Variants in EML6 observed in about 807,000 individuals in gnomAD.
EML6 encodes the protein echinoderm microtubule-associated protein-like 6.
A neutral mutation model predicts 240.1 loss-of-function variants in EML6; 154 were observed. The observed-to-expected ratio is 0.64, with a 90% CI of 0.56 to 0.73. The LOEUF (loss-of-function observed/expected upper bound fraction) is 0.73. Ranked by LOEUF, EML6 falls within the 30% of genes least tolerant of loss-of-function variation. The pLI is 0.00. For missense variants in EML6, 2,964 were observed against 2,474.6 expected (o/e 1.20, Z -4.20); for synonymous variants, 1,148 against 899.0 (o/e 1.28, Z -4.95).
At chr2:54,788,594 T>C (rs1669220868) in intron 2 of EML6, among the ~76,000 whole-genome samples, 1 of 152,080 alleles carries the variant, frequency 6.6e-6, no homozygotes. Context: ...TAGAGGAAAA[T>C]TGAAGCTTAG....
At chr2:54,737,570 C>T in intron 2 of EML6, among the ~76,000 whole-genome samples, 1 of 152,174 alleles carries the variant, frequency 6.6e-6, no homozygotes, top group Non-Finnish European at 1.5e-5. Flanking sequence ...GCATTGTCTT[C>T]TTCAAGGCAT....
intron 26 of EML6, among the ~76,000 whole-genome samples, chr2:54,925,222 A>C (rs191162105): frequency 3.3e-5 from 5 of 152,184 alleles, no homozygotes. Flanking sequence ...GTGAGCACAC[A>C]GTGAGAAGGC....
intron 28 of EML6, among the ~76,000 whole-genome samples, chr2:54,948,133 A>G (rs1675781960): frequency 6.6e-6 from 1 of 152,160 alleles, no homozygotes; most frequent in African/African-American, 2.4e-5. Flanking sequence ...AGGAAACCCC[A>G]CGTCACCAAG....
At chr2:54,805,731 AAG>A (rs1166361648) in intron 2 of EML6, among the ~76,000 whole-genome samples, 1 of 152,138 alleles carries the variant, frequency 6.6e-6, no homozygotes, top group African/African-American at 2.4e-5. Context: ...TTTGTTCTCT[AAG>A]AGACCATTAT....
intron 2 of EML6, among the ~76,000 whole-genome samples, chr2:54,797,863 T>C (rs1005894423): frequency 6.6e-6 from 1 of 152,212 alleles, no homozygotes; most frequent in Non-Finnish European, 1.5e-5. Context: ...TTTTAATCCT[T>C]ATGCCAATAG....
rs74989651 is a variant in EML6 at position 54,726,888 on chromosome 2, A to C, written c.197+1630A>C. On this transcript the variant is annotated intron_variant, in intron 2 of 41. Transcript: ENST00000356458. The stretch of plus-strand genomic sequence containing the variant: ...TGAAGGGAGAGAGTGGCAATTAAAC[A>C]GAAAATTCTCTGTGGTTAAATAATA... 1.4e-3 allele frequency among the ~76,000 whole-genome samples: 210 copies of C among 152,330 alleles called. 1 individual carries two copies. In the South Asian group the frequency reaches 0.023, roughly 17 times the overall value.
At chr2:54,815,947 C>T (rs570072424) in intron 3 of EML6, among the ~76,000 whole-genome samples, 1 of 152,264 alleles carries the variant, frequency 6.6e-6, no homozygotes, top group East Asian at 1.9e-4. Context: ...ATACAACAAT[C>T]CAATAATGCA....
chr2:54,953,075 A>G (rs1317840328), intron 31 of EML6, among the ~76,000 whole-genome samples: 1 of 152,166 alleles, frequency 6.6e-6, no homozygotes, highest in East Asian at 1.9e-4. Flanking sequence ...TGCCGGTGAC[A>G]AATGTGAACT....
At position 54,971,950 on chromosome 2, in the gene EML6, TG is replaced by T. The variant is rs1677044835; in HGVS notation, c.*1856del. On this transcript the variant is annotated 3_prime_UTR_variant, in exon 42 of 42. Transcript: ENST00000356458. ...ATATGTGAGTTAAAACATTGGTGCA[TG>T]AATTTATTTTCAAAGTATAAAACAC... The T allele has an allele frequency of 6.6e-6, 1 of 152,244 alleles. No homozygotes were observed. Among genetic ancestry groups the T allele is most frequent in the Non-Finnish European group, 1.5e-5 (1 of 68,046 alleles). The allele number at this position is 152,244 out of a possible 1,614,324, so 9.4% of individuals were successfully genotyped here. A position where few individuals can be genotyped will look rare whatever the true frequency, so the allele number is the denominator to read the frequency against.
chr2:54,764,052 C>G (rs1350793575), intron 2 of EML6, among the ~76,000 whole-genome samples: 1 of 152,182 alleles, frequency 6.6e-6, no homozygotes, highest in Non-Finnish European at 1.5e-5. Flanking sequence ...AACTTCCTGC[C>G]CTCTAGTCAG....
chr2:54,889,834 A>C (rs1011247555), intron 17 of EML6, among the ~76,000 whole-genome samples: 1 of 152,218 alleles, frequency 6.6e-6, no homozygotes, highest in Non-Finnish European at 1.5e-5. Context: ...TCCTGACTCT[A>C]TTGGGAATGC....
chr2:54,834,744 CA>C (rs1226851513), intron 7 of EML6, among the ~76,000 whole-genome samples: 1 of 152,156 alleles, frequency 6.6e-6, no homozygotes, highest in Non-Finnish European at 1.5e-5. Flanking sequence ...AATTAGAGGC[CA>C]AAGTTCCAGG....
At chr2:54,827,894 AT>A (rs753417833) in intron 6 of EML6, 143 bp downstream of exon 6, 58 of 616,048 alleles carry the variant, frequency 9.4e-5, no homozygotes, top group Non-Finnish European at 1.5e-4. Flanking sequence ...CCCATATTAC[AT>A]TTGCTCACCT....
intron 12 of EML6, 26 bp from the exon 13 acceptor site, chr2:54,863,757 G>T (rs1422049600): frequency 1.5e-6 from 2 of 1,328,004 alleles, no homozygotes; most frequent in South Asian, 2.7e-5. Flanking sequence ...ATTTTTGCTT[G>T]TTTCTTGTGG....
chr2:54,828,023 C>T (rs944134308), intron 6 of EML6, among the ~76,000 whole-genome samples: 10 of 152,218 alleles, frequency 6.6e-5, no homozygotes, highest in Admixed American at 6.5e-4. Context: ...TCATCAGATT[C>T]ATCTTATAGG....
intron 15 of EML6, among the ~76,000 whole-genome samples, chr2:54,870,337 G>A (rs1353250188): frequency 6.7e-6 from 1 of 149,830 alleles, no homozygotes; most frequent in Non-Finnish European, 1.5e-5. Flanking sequence ...TTTTTAAAAG[G>A]GTTGCAGTCC....
chr2:54,807,307 G>C (rs1276108511), intron 2 of EML6, among the ~76,000 whole-genome samples: 1 of 152,152 alleles, frequency 6.6e-6, no homozygotes, highest in Non-Finnish European at 1.5e-5. Flanking sequence ...TGTAAATAAA[G>C]CTATCAGCCA....
At chr2:54,814,005 T>A (rs1200633282) in intron 3 of EML6, among the ~76,000 whole-genome samples, 3 of 152,210 alleles carry the variant, frequency 2.0e-5, no homozygotes, top group Non-Finnish European at 4.4e-5. Flanking sequence ...CTTAGTTGAA[T>A]CTCTTAGTCT....
At chr2:54,792,203 T>A (rs1401508645) in intron 2 of EML6, among the ~76,000 whole-genome samples, 1 of 152,248 alleles carries the variant, frequency 6.6e-6, no homozygotes, top group Non-Finnish European at 1.5e-5. Flanking sequence ...TGTAATATTT[T>A]CTTATTTCTA....
Sources: allele counts gnomAD v4.1 joint callset (sites outside exome capture counted in the v4.1 genomes callset), GRCh38; gene constraint gnomAD v4.1.1; transcripts MANE v1.5; gene names NCBI Gene and HGNC (gene_info 2026-07-23, HGNC 2026-07-21).